MRC1: variants seen among roughly 807,000 people sequenced by gnomAD.
MRC1 encodes the protein macrophage mannose receptor 1.
Under a neutral mutation model 102.9 loss-of-function variants are expected in MRC1, and 62 were observed. The ratio of observed to expected loss-of-function variants is 0.60; its 90% CI spans 0.49 to 0.74. The LOEUF is 0.74. Ranked by LOEUF, MRC1 falls within the 30% of genes least tolerant of loss-of-function variation. The pLI, the probability that MRC1 is intolerant of heterozygous loss-of-function variation, is 0.00. For synonymous variants in MRC1, 457 were observed against 298.4 expected (o/e 1.53, Z -5.48); for missense variants, 1,237 against 862.8 (o/e 1.43, Z -5.43).
intron 5 of MRC1, among the ~76,000 whole-genome samples, chr10:17,842,129 A>AT (rs1838761164): frequency 1.3e-5 from 2 of 151,988 alleles, no homozygotes; most frequent in African/African-American, 4.8e-5. Flanking sequence ...TGCCTGGCTA[A>AT]TTTTTTAATT....
intron 20 of MRC1, 46 bp downstream of exon 20, chr10:17,880,716 A>G: frequency 1.3e-6 from 1 of 779,678 alleles, no homozygotes. Flanking sequence ...CAGTATGGAG[A>G]GTGATGCAAA....
At chr10:17,867,889 C>A (rs1311308937) in intron 12 of MRC1, among the ~76,000 whole-genome samples, 2 of 152,118 alleles carry the variant, frequency 1.3e-5, no homozygotes, top group Admixed American at 6.6e-5. Context: ...TCTGATGTAA[C>A]CCCGATGATT....
In MRC1 at chr10:17,877,673, C is replaced by T. The variant is rs942101112; in HGVS notation, c.2551-227C>T. ...CAAGTAGGCAGTCAGGATTGTAGGA[C>T]TATGCATCAAATAAAAGACTCCTGC... On this transcript the variant is annotated intron_variant, in intron 17 of 29. Coordinates refer to ENST00000569591, the MANE Select transcript of MRC1 (RefSeq NM_002438.4). Among the ~76,000 whole-genome samples, 274 of 152,138 alleles carry T rather than the reference C, an allele frequency of 1.8e-3. 1 individual carries two copies. The highest frequency in any genetic ancestry group is 6.3e-3 in the African/African-American group (261 of 41,530).
chr10:17,895,880 G>A (rs1046980979), intron 23 of MRC1, among the ~76,000 whole-genome samples: 4 of 152,190 alleles, frequency 2.6e-5, no homozygotes, highest in African/African-American at 7.2e-5. Context: ...CAGAGCTTAC[G>A]CCATAGGCAG....
intron 3 of MRC1, among the ~76,000 whole-genome samples, chr10:17,828,519 C>T (rs1201024369): frequency 2.0e-5 from 3 of 151,300 alleles, no homozygotes; most frequent in Non-Finnish European, 4.4e-5. Context: ...AACCATAGAT[C>T]AAAAACAGAA....
At chr10:17,842,174 G>T (rs1301640015) in intron 5 of MRC1, among the ~76,000 whole-genome samples, 1 of 152,098 alleles carries the variant, frequency 6.6e-6, no homozygotes, top group Admixed American at 6.5e-5. Context: ...CATTGGCCAG[G>T]CCAGTCTCGA....
chr10:17,880,967 TA>T (rs1242069854), intron 20 of MRC1, 99 bp from the exon 21 acceptor site: 10 of 758,680 alleles, frequency 1.3e-5, no homozygotes, highest in Non-Finnish European at 2.4e-5. Flanking sequence ...GATTTAGCTA[TA>T]ATCTTCATGA....
At chr10:17,814,677 C>CT (rs1179816829) in intron 1 of MRC1, among the ~76,000 whole-genome samples, 3,989 of 85,194 alleles carry the variant, frequency 0.047, 435 homozygotes, top group Non-Finnish European at 0.065. Context: ...TTCCGTCCCT[C>CT]TTTTTTTTTT....
At chr10:17,867,536 C>G (rs946530233) in intron 12 of MRC1, among the ~76,000 whole-genome samples, 4 of 152,020 alleles carry the variant, frequency 2.6e-5, no homozygotes, top group African/African-American at 4.8e-5. Context: ...GCTCCTCCCA[C>G]CTAAGCCTCC....
intron 9 of MRC1, among the ~76,000 whole-genome samples, chr10:17,857,530 G>A (rs1244333927): frequency 1.3e-5 from 2 of 151,954 alleles, no homozygotes; most frequent in Non-Finnish European, 2.9e-5. Flanking sequence ...TAAAATAATA[G>A]CAGTCCCTTA....
intron 5 of MRC1, among the ~76,000 whole-genome samples, chr10:17,843,005 G>C (rs1838773310): frequency 1.3e-5 from 2 of 152,148 alleles, no homozygotes; most frequent in African/African-American, 2.4e-5. Flanking sequence ...GCATTCAATT[G>C]AATAATTACC....
intron 2 of MRC1, among the ~76,000 whole-genome samples, chr10:17,825,466 C>T (rs1434412337): frequency 6.6e-6 from 1 of 152,030 alleles, no homozygotes. Flanking sequence ...AGCTGGCAGG[C>T]GTGGTGGCTC....
rs1392637361 is a variant in MRC1 at position 17,905,937 on chromosome 10, C to A, written c.3800-949C>A. Among the ~76,000 whole-genome samples, 10 of 152,210 alleles carry A rather than the reference C, an allele frequency of 6.6e-5. No homozygotes were observed. The East Asian group carries it at 1.9e-3, about 29-fold the overall frequency. ...GGGTTAATGCTTGTAAAGTCCAAAG[C>A]AAAATGTCCAGAATGAAATGCTTAA... On this transcript the variant is annotated intron_variant, in intron 26 of 29. Coordinates refer to ENST00000569591, the MANE Select transcript of MRC1 (RefSeq NM_002438.4).
intron 1 of MRC1, among the ~76,000 whole-genome samples, chr10:17,815,331 A>G (rs1305883925): frequency 1.3e-5 from 2 of 152,226 alleles, no homozygotes; most frequent in African/African-American, 4.8e-5. Context: ...TACATACATA[A>G]GGTGAACGAA....
In MRC1 at chr10:17,866,540, C is replaced by G. The variant is rs1053960766; in HGVS notation, c.1784-22C>G. The G allele has an allele frequency of 1.0e-5, 8 of 780,676 alleles. No individual in the cohort carries two copies. In the African/African-American group the frequency reaches 1.4e-4, roughly 13 times the overall value. The allele number at this position is 780,676 out of a possible 1,614,324, so 48.4% of individuals were successfully genotyped here. A position where few individuals can be genotyped will look rare whatever the true frequency, so the allele number is the denominator to read the frequency against. On this transcript the variant is annotated intron_variant, in intron 11 of 29. Coordinates refer to ENST00000569591, the MANE Select transcript of MRC1 (RefSeq NM_002438.4). ...TCAGCAGGCACCTGTCAAGTGAATTCTACTTCATATATTTAATGCAGGGCG... is the reference window on the plus strand; with the variant it reads ...TCAGCAGGCACCTGTCAAGTGAATTGTACTTCATATATTTAATGCAGGGCG...
At chr10:17,810,004 A>G (rs1838198984) in intron 1 of MRC1, among the ~76,000 whole-genome samples, 1 of 152,050 alleles carries the variant, frequency 6.6e-6, no homozygotes, top group Non-Finnish European at 1.5e-5. Flanking sequence ...CCCAAAAGAG[A>G]TTCTAAGCAA....
At chr10:17,887,263 C>T (rs1044793567) in intron 22 of MRC1, among the ~76,000 whole-genome samples, 2 of 152,054 alleles carry the variant, frequency 1.3e-5, no homozygotes, top group Admixed American at 6.6e-5. Flanking sequence ...TGGTGGTGGG[C>T]GCCTGTCATC....
chr10:17,885,402 T>C lies in MRC1; in HGVS notation c.3114T>C (p.Pro1038=). ...VHYTNWGKGY[P]GGRRSSLSYE... is the part of the protein sequence containing the mutation. ...ACACAAACTGGGGGAAAGGTTACCC[T>C]GGTGGAAGAAGAAGCAGTCTTTCTT... Residue 1038 remains proline (P), a synonymous_variant, in exon 22 of 30, where the codon CCT becomes CCC. Transcript: ENST00000569591. 1.3e-6 allele frequency: 1 copy of C among 780,864 alleles called. No homozygotes were observed. The highest frequency in any genetic ancestry group is 1.3e-5 in the South Asian group (1 of 74,614). The allele number at this position is 780,864 out of a possible 1,614,324, so 48.4% of individuals were successfully genotyped here. A position where few individuals can be genotyped will look rare whatever the true frequency, so the allele number is the denominator to read the frequency against.
chr10:17,875,363 G>A (rs1031968396), intron 17 of MRC1, 110 bp downstream of exon 17: 43 of 737,754 alleles, frequency 5.8e-5, no homozygotes, highest in South Asian at 2.2e-4. Context: ...TGGTACACCC[G>A]TCACCTGAGC....
Sources: allele counts gnomAD v4.1 joint callset (sites outside exome capture counted in the v4.1 genomes callset), GRCh38; gene constraint gnomAD v4.1.1; transcripts MANE v1.5; gene names NCBI Gene and HGNC (gene_info 2026-07-23, HGNC 2026-07-21).